The following NFIX variants were observed in gnomAD, a reference collection of about 807,000 sequenced individuals.
NFIX encodes the protein nuclear factor I X.
In NFIX, 2 loss-of-function variants were observed where a neutral mutation model predicts 53.3. The observed-to-expected ratio is 0.04, with a 90% confidence interval of 0.02 to 0.12. The LOEUF is 0.12. NFIX is among the 10% of genes least tolerant of loss of function. The pLI, the probability that NFIX is intolerant of heterozygous loss-of-function variation, is 1.00. For synonymous variants in NFIX, 244 were observed against 289.0 expected, an observed-to-expected ratio of 0.84 and a Z score of 1.58; for missense variants, 310 against 674.5, an observed-to-expected ratio of 0.46 and a Z score of 5.99.
chr19:13,025,276 A>G lies in NFIX; in HGVS notation c.283A>G (p.Ile95Val). The stretch of plus-strand genomic sequence containing the variant: ...GTTCCGCGAGGACTTCGTGCTGACC[A>G]TCACGGGCAAGAAGCCCCCCTGCTG... ...PEFREDFVLTITGKKPPCCVL... is the reference protein window; with the variant it reads ...PEFREDFVLTVTGKKPPCCVL... The change falls in exon 2 of 11, where the codon ATC becomes GTC. Residue 95 changes from isoleucine to valine, a missense_variant. Ile to Val is a conservative substitution (Grantham distance 29). Around this residue, in one of 5 missense-constraint regions of NFIX, gnomAD observed 64 missense variants for 144.5 expected, o/e 0.44. Coordinates refer to ENST00000592199, the MANE Select transcript of NFIX (RefSeq NM_001365902.3). The surrounding 1 kb of genome is among the most constrained non-coding windows in gnomAD (Gnocchi z 7.5). 6.2e-7 allele frequency: 1 copy of G among 1,614,088 alleles called. No homozygotes were observed. Among genetic ancestry groups the G allele is most frequent in the Non-Finnish European group, 8.5e-7 (1 of 1,179,946 alleles).
chr19:13,011,679 A>G lies in NFIX; in HGVS notation c.28-13342A>G, dbSNP rs1219191799. On this transcript the variant is annotated intron_variant, in intron 1 of 10. Transcript: ENST00000592199. The surrounding 1 kb of genome is among the most constrained non-coding windows in gnomAD (Gnocchi z 6.5). ...GAAGAGAGAAGCTGGGCTGCACCCC[A>G]TGTTGGCACGAACACTCCCTCCCCA... Among the ~76,000 whole-genome samples, 4 of 152,102 alleles carry G rather than the reference A, an allele frequency of 2.6e-5. No individual in the cohort carries two copies. The highest frequency in any genetic ancestry group is 5.9e-5 in the Non-Finnish European group (4 of 68,002).
At chr19:13,039,621 C>G (rs1397781984) in intron 2 of NFIX, among the ~76,000 whole-genome samples, 1 of 152,166 alleles carries the variant, frequency 6.6e-6, no homozygotes, top group East Asian at 1.9e-4. Flanking sequence ...CTTGGAGAGT[C>G]TGCTGCAGAG....
rs1462993734 is a variant in NFIX, at chr19:13,005,545, C to T, written c.27+9681C>T. Among the ~76,000 whole-genome samples, 2 of 152,112 alleles carry T rather than the reference C, an allele frequency of 1.3e-5. No individual in the cohort carries two copies. Among genetic ancestry groups the T allele is most frequent in the South Asian group, 2.1e-4 (1 of 4,824 alleles). ...ATCTGAGGAGTTGGTTCACAGCACA[C>T]GCTTTAAAACTGTGCTTGATGTGAA... On this transcript the variant is annotated intron_variant, in intron 1 of 10. Coordinates refer to ENST00000592199, the MANE Select transcript of NFIX (RefSeq NM_001365902.3). This position sits in a 1 kb window ranked among gnomAD's most constrained non-coding sequence, Gnocchi z 4.7.
intron 1 of NFIX, among the ~76,000 whole-genome samples, chr19:13,023,791 AT>A (rs1295603629): frequency 6.7e-6 from 1 of 149,898 alleles, no homozygotes; most frequent in Admixed American, 6.7e-5. Context: ...TTCAAAAAAA[AT>A]ATTAATTTCC....
At position 13,073,567 on chromosome 19, in the gene NFIX, C is replaced by A; in HGVS notation, c.697+71C>A. The stretch of plus-strand genomic sequence containing the variant: ...AGGAGGTGGGACCTCATGGGATGTC[C>A]TCCTAATGGGGTCTTAGGGCAGGTG... On this transcript the variant is annotated intron_variant, in intron 4 of 10. Transcript: ENST00000592199. The surrounding 1 kb of genome is among the most constrained non-coding windows in gnomAD (Gnocchi z 4.5). 3 of 1,377,916 alleles carry A rather than the reference C, an allele frequency of 2.2e-6. No homozygotes were observed. Among genetic ancestry groups the A allele is most frequent in the South Asian group, 1.2e-5 (1 of 86,100 alleles). 85.4% of individuals were successfully genotyped at this position (1,377,916 alleles called of 1,614,324 possible).
At position 13,028,600 on chromosome 19, in the gene NFIX, C is replaced by G. The variant is rs2013554547; in HGVS notation, c.559+3048C>G. ...ACAGAATACTAGGTCCAAAAGGCTG[C>G]CATGCGGCTGGCCTTCCTGCTGGGA... is the stretch of plus-strand genomic sequence containing the variant. On this transcript the variant is annotated intron_variant, in intron 2 of 10. Coordinates refer to ENST00000592199, the MANE Select transcript of NFIX (RefSeq NM_001365902.3). The surrounding 1 kb of genome is among the most constrained non-coding windows in gnomAD (Gnocchi z 4.2). Among the ~76,000 whole-genome samples the G allele has an allele frequency of 6.6e-6, 1 of 152,208 alleles. No individual in the cohort carries two copies. Among genetic ancestry groups the G allele is most frequent in the Non-Finnish European group, 1.5e-5 (1 of 68,044 alleles).
At chr19:13,031,279 C>T (rs936867194) in intron 2 of NFIX, among the ~76,000 whole-genome samples, 1 of 152,108 alleles carries the variant, frequency 6.6e-6, no homozygotes, top group Non-Finnish European at 1.5e-5. Context: ...AAAGAGTCAC[C>T]TTTGTCGGAG....
intron 2 of NFIX, among the ~76,000 whole-genome samples, chr19:13,038,950 C>T (rs2014410211): frequency 6.6e-6 from 1 of 152,068 alleles, no homozygotes; most frequent in South Asian, 2.1e-4. Flanking sequence ...AGGAAGGGCC[C>T]AAGGGTCTAC....
intron 1 of NFIX, among the ~76,000 whole-genome samples, chr19:13,004,563 T>C (rs1424730322): frequency 1.3e-5 from 2 of 152,064 alleles, no homozygotes; most frequent in Non-Finnish European, 2.9e-5. Flanking sequence ...TGGTGGCACC[T>C]CCCCTCTGCT....
At chr19:13,030,993 G>C (rs936414893) in intron 2 of NFIX, among the ~76,000 whole-genome samples, 2 of 152,224 alleles carry the variant, frequency 1.3e-5, no homozygotes, top group African/African-American at 4.8e-5. Flanking sequence ...ACAACTTGGG[G>C]TGCTGGGTCT....
chr19:13,061,482 G>A (rs2016084031), intron 2 of NFIX, among the ~76,000 whole-genome samples: 1 of 152,174 alleles, frequency 6.6e-6, no homozygotes, highest in Non-Finnish European at 1.5e-5. Flanking sequence ...GGAGCTCTGG[G>A]CCGGTCGCTG....
intron 1 of NFIX, among the ~76,000 whole-genome samples, chr19:13,024,256 C>G (rs531139938): frequency 6.6e-6 from 1 of 152,132 alleles, no homozygotes; most frequent in South Asian, 2.1e-4. Context: ...CTAATGTGGC[C>G]GAGACAAGCA....
At chr19:13,055,798 C>G (rs956224019) in intron 2 of NFIX, among the ~76,000 whole-genome samples, 1 of 152,192 alleles carries the variant, frequency 6.6e-6, no homozygotes, top group African/African-American at 2.4e-5. Flanking sequence ...GATCCTCTCT[C>G]TCTGTAGGGC....
intron 1 of NFIX, among the ~76,000 whole-genome samples, chr19:13,019,669 A>T (rs1254193082): frequency 6.8e-6 from 1 of 147,384 alleles, no homozygotes; most frequent in Non-Finnish European, 1.5e-5. Context: ...TGAAACTGGC[A>T]TGGGTATGTA....
At position 13,067,914 on chromosome 19, in the gene NFIX, G is replaced by A. The variant is rs556564334; in HGVS notation, c.560-5133G>A. ...AGGTCAGGAGATCGAGACCATCCTGGCTAACACTGTGAAACCCTGTCTCTT... is the reference window on the plus strand; with the variant it reads ...AGGTCAGGAGATCGAGACCATCCTGACTAACACTGTGAAACCCTGTCTCTT... On this transcript the variant is annotated intron_variant, in intron 2 of 10. Coordinates refer to ENST00000592199, the MANE Select transcript of NFIX (RefSeq NM_001365902.3). The surrounding 1 kb of genome is among the most constrained non-coding windows in gnomAD (Gnocchi z 4.2). Among the ~76,000 whole-genome samples the A allele has an allele frequency of 3.3e-5, 5 of 152,108 alleles. No individual in the cohort carries two copies. The East Asian group carries it at 9.7e-4, about 29-fold the overall frequency.
In NFIX at chr19:13,093,497, G is replaced by A. The variant is rs577263431; in HGVS notation, c.1495-1138G>A. On this transcript the variant is annotated intron_variant, in intron 10 of 10. Transcript: ENST00000592199. This position sits in a 1 kb window ranked among gnomAD's most constrained non-coding sequence, Gnocchi z 4.7. The stretch of plus-strand genomic sequence containing the variant: ...CCACAGACCCTGCTTCCTCGTGCTC[G>A]CAGCACAGGCAGCAGTTAGGAGCAC... Among the ~76,000 whole-genome samples, 3 of 152,310 alleles carry A rather than the reference G, an allele frequency of 2.0e-5. No homozygotes were observed. Among genetic ancestry groups the A allele is most frequent in the African/African-American group, 4.8e-5 (2 of 41,574 alleles).
Position 13,036,562 on chromosome 19 carries a change from T to TC in NFIX, c.559+11014dup, listed in dbSNP as rs2145243964. On this transcript the variant is annotated intron_variant, in intron 2 of 10. Coordinates refer to ENST00000592199, the MANE Select transcript of NFIX (RefSeq NM_001365902.3). This position sits in a 1 kb window ranked among gnomAD's most constrained non-coding sequence, Gnocchi z 4.7. ...GGAGCTGTGTGGAGCGATCGGGAGA[T>TC]CCCCGGAGGCGACCTGCAGGAGGCC... Among the ~76,000 whole-genome samples the TC allele has an allele frequency of 6.6e-6, 1 of 152,074 alleles. No homozygotes were observed. Among genetic ancestry groups the TC allele is most frequent in the African/African-American group, 2.4e-5 (1 of 41,480 alleles).
rs1416580827 is a variant in NFIX at position 13,089,193 on chromosome 19, G to A, written c.1402+1057G>A. ...ACAGTCATTGGAGGTGGGCAGGGTGGGGGATGGGAGCTGGGCTACAGGGTT... is the reference window on the plus strand; with the variant it reads ...ACAGTCATTGGAGGTGGGCAGGGTGAGGGATGGGAGCTGGGCTACAGGGTT... On this transcript the variant is annotated intron_variant, in intron 9 of 10. Transcript: ENST00000592199. This position sits in a 1 kb window ranked among gnomAD's most constrained non-coding sequence, Gnocchi z 4.8. Among the ~76,000 whole-genome samples the A allele has an allele frequency of 6.6e-6, 1 of 152,196 alleles. No homozygotes were observed. Among genetic ancestry groups the A allele is most frequent in the Non-Finnish European group, 1.5e-5 (1 of 68,022 alleles).
At chr19:13,010,994 A>T (rs904356865) in intron 1 of NFIX, among the ~76,000 whole-genome samples, 5 of 152,034 alleles carry the variant, frequency 3.3e-5, no homozygotes, top group Non-Finnish European at 7.4e-5. Flanking sequence ...GTACCTTTAT[A>T]TATACTTTTT....
Sources: allele counts gnomAD v4.1 joint callset (sites outside exome capture counted in the v4.1 genomes callset), GRCh38; gene constraint gnomAD v4.1.1; regional missense constraint gnomAD v4.1.1; non-coding constraint Gnocchi (gnomAD v3.1); transcripts MANE v1.5; gene names NCBI Gene and HGNC (gene_info 2026-07-23, HGNC 2026-07-21).